Variants in CTNNA2 observed in about 807,000 individuals in gnomAD.
CTNNA2 encodes the protein catenin alpha-2.
In CTNNA2, 42 loss-of-function variants were observed where a neutral mutation model predicts 101.0. The ratio of observed to expected loss-of-function variants is 0.42; its 90% confidence interval spans 0.32 to 0.54. The LOEUF is 0.54. CTNNA2 is among the 20% of genes least tolerant of loss of function. The probability of loss-of-function intolerance (pLI) is 0.14; values close to 1 mark genes in which losing one functional copy is unlikely to be tolerated. For missense variants in CTNNA2, 871 were observed against 1,223.1 expected (o/e 0.71, Z 4.29); for synonymous variants, 450 against 456.4 (o/e 0.99, Z 0.18).
chr2:79,885,833 G>A (rs1180128156), intron 6 of CTNNA2, among the ~76,000 whole-genome samples: 2 of 152,166 alleles, frequency 1.3e-5, no homozygotes, highest in African/African-American at 2.4e-5. Flanking sequence ...AAGAACACTG[G>A]AAAGAGTCCA....
chr2:79,796,653 G>T (rs1675728108), intron 3 of CTNNA2, among the ~76,000 whole-genome samples: 1 of 152,204 alleles, frequency 6.6e-6, no homozygotes, highest in African/African-American at 2.4e-5. Context: ...GGTTAGAATG[G>T]TTGCTTTTGG....
intron 4 of CTNNA2, among the ~76,000 whole-genome samples, chr2:79,858,721 G>A (rs994132090): frequency 6.6e-6 from 1 of 152,082 alleles, no homozygotes; most frequent in African/African-American, 2.4e-5. Context: ...AGTCAATCTT[G>A]TTTCACCAAG....
At chr2:79,385,080 AT>A (rs1319384887) in intron 4 of CTNNA2, among the ~76,000 whole-genome samples, 1 of 152,116 alleles carries the variant, frequency 6.6e-6, no homozygotes, top group African/African-American at 2.4e-5. Flanking sequence ...TTTTACTATG[AT>A]TTTCTCATTT....
chr2:79,385,503 T>C (rs527782925), intron 4 of CTNNA2, among the ~76,000 whole-genome samples: 55 of 152,002 alleles, frequency 3.6e-4, no homozygotes, highest in African/African-American at 1.3e-3. Context: ...GTCTTTATTT[T>C]ATTTTATTTT....
At chr2:80,064,561 T>C (rs977996244) in intron 7 of CTNNA2, among the ~76,000 whole-genome samples, 1 of 152,218 alleles carries the variant, frequency 6.6e-6, no homozygotes. Flanking sequence ...AAGTAGCTGG[T>C]GGCTCAGCTG....
chr2:80,356,086 T>C (rs999783561), intron 7 of CTNNA2, among the ~76,000 whole-genome samples: 1 of 152,166 alleles, frequency 6.6e-6, no homozygotes, highest in Admixed American at 6.5e-5. Context: ...TGTTTCACTT[T>C]GTTTCTTTTC....
chr2:79,198,098 A>G (rs917367476), intron 2 of CTNNA2: 2 of 152,104 alleles, frequency 1.3e-5, no homozygotes, highest in African/African-American at 2.4e-5. Context: ...TCTTCTTTTC[A>G]TACACATGGA....
chr2:80,103,314 C>G (rs144468400), intron 7 of CTNNA2, among the ~76,000 whole-genome samples: 22 of 152,250 alleles, frequency 1.4e-4, no homozygotes, highest in African/African-American at 4.6e-4. Flanking sequence ...CTCATATGGA[C>G]TTTACTTTCT....
At chr2:79,283,728 A>G in intron 2 of CTNNA2, among the ~76,000 whole-genome samples, 1 of 61,582 alleles carries the variant, frequency 1.6e-5, no homozygotes, top group African/African-American at 4.6e-5. Flanking sequence ...CTTAGGATTG[A>G]CTTGGCGATG....
intron 1 of CTNNA2, among the ~76,000 whole-genome samples, chr2:79,593,870 CT>C (rs1461675852): frequency 1.0e-4 from 15 of 144,688 alleles, no homozygotes; most frequent in Admixed American, 6.8e-4. Context: ...CCAGTGCTGC[CT>C]TTCTTTTAGT....
At chr2:79,281,400 TC>T (rs1375226616) in intron 2 of CTNNA2, 1 of 152,238 alleles carries the variant, frequency 6.6e-6, no homozygotes. Flanking sequence ...GCTCAGTTTT[TC>T]TTCCTTTCTC....
intron 2 of CTNNA2, among the ~76,000 whole-genome samples, chr2:79,228,013 T>A (rs1443964574): frequency 6.6e-6 from 1 of 152,254 alleles, no homozygotes; most frequent in Non-Finnish European, 1.5e-5. Flanking sequence ...TTTTGTTTTC[T>A]GTTTTTGAGT....
intron 2 of CTNNA2, among the ~76,000 whole-genome samples, chr2:79,720,739 C>A (rs1157510630): frequency 1.3e-5 from 2 of 152,074 alleles, no homozygotes; most frequent in African/African-American, 2.4e-5. Flanking sequence ...TATCCAGGAA[C>A]CTTGCTAAAC....
chr2:80,438,064 A>C (rs1195423217), intron 9 of CTNNA2, among the ~76,000 whole-genome samples: 1 of 152,300 alleles, frequency 6.6e-6, no homozygotes, highest in East Asian at 1.9e-4. Context: ...AAACAACAGA[A>C]GTTGATTTTC....
chr2:80,399,927 G>C (rs1409420287), intron 8 of CTNNA2, among the ~76,000 whole-genome samples: 1 of 152,162 alleles, frequency 6.6e-6, no homozygotes, highest in East Asian at 1.9e-4. Context: ...CAGTTTACCA[G>C]AACATTCATT....
rs1676648155 is a variant in CTNNA2, at chr2:80,303,972, C to T, written c.1057-89239C>T. 3.3e-6 allele frequency: 3 copies of T among 918,378 alleles called. No homozygotes were observed. The highest frequency in any genetic ancestry group is 4.6e-6 in the Non-Finnish European group (3 of 651,066). 56.9% of individuals were successfully genotyped at this position (918,378 alleles called of 1,614,324 possible). ...ATACATAGAAATAAAGAAGGACCCC[C>T]CTCCCCAAAAACCACACGTTCACCT... On this transcript the variant is annotated intron_variant, in intron 7 of 18. Transcript: ENST00000402739. The surrounding 1 kb of genome is among the most constrained non-coding windows in gnomAD (Gnocchi z 7.7).
intron 1 of CTNNA2, among the ~76,000 whole-genome samples, chr2:79,629,164 C>A (rs955546030): frequency 1.3e-5 from 2 of 152,116 alleles, no homozygotes; most frequent in East Asian, 1.9e-4. Context: ...TTGTGAGAAT[C>A]ATTTTTCTCG....
intron 4 of CTNNA2, among the ~76,000 whole-genome samples, chr2:79,461,302 A>T (rs538336059): frequency 2.0e-5 from 3 of 152,298 alleles, no homozygotes; most frequent in Non-Finnish European, 2.9e-5. Context: ...TAAATGAATG[A>T]TCAATTCTTT....
At chr2:80,268,902 A>G (rs1673226062) in intron 7 of CTNNA2, among the ~76,000 whole-genome samples, 1 of 152,324 alleles carries the variant, frequency 6.6e-6, no homozygotes, top group South Asian at 2.1e-4. Flanking sequence ...TGGGGGCTCC[A>G]TACTCTCCTG....
Sources: gnomAD v4.1 joint callset for allele counts (sites outside exome capture counted in the v4.1 genomes callset) on GRCh38, gnomAD v4.1.1 for gene constraint, Gnocchi (gnomAD v3.1) non-coding constraint, MANE v1.5 for transcripts, NCBI Gene and HGNC (gene_info 2026-07-23, HGNC 2026-07-21) for gene names.